Variants in FREM1 observed in about 807,000 individuals in gnomAD.
The protein encoded by FREM1 is FRAS1-related extracellular matrix protein 1.
Under a neutral mutation model 210.1 loss-of-function variants are expected in FREM1, and 220 were observed. That is an observed-to-expected ratio of 1.05 (90% CI 0.94 to 1.17). The LOEUF (loss-of-function observed/expected upper bound fraction) is 1.17, where lower values mean the gene tolerates loss of function less well. FREM1 is among the 50% of genes most tolerant of loss of function. FREM1 has a pLI of 0.00. For missense variants in FREM1, 3,454 were observed against 2,675.5 expected (o/e 1.29, Z -6.42); for synonymous variants, 1,189 against 980.2 (o/e 1.21, Z -3.98).
chr9:14,906,787 C>A (rs1817772828), intron 1 of FREM1, among the ~76,000 whole-genome samples: 1 of 152,150 alleles, frequency 6.6e-6, no homozygotes, highest in African/African-American at 2.4e-5. Context: ...TACTAAGCAG[C>A]TGATAATGTT....
At chr9:14,781,712 CT>C (rs113569249) in intron 24 of FREM1, among the ~76,000 whole-genome samples, 5 of 151,884 alleles carry the variant, frequency 3.3e-5, no homozygotes, top group African/African-American at 1.2e-4. Context: ...TCTATAAATT[CT>C]TTTTTTTGAG....
chr9:14,856,006 C>T (rs540864874), intron 5 of FREM1, among the ~76,000 whole-genome samples: 2 of 151,924 alleles, frequency 1.3e-5, no homozygotes, highest in Non-Finnish European at 2.9e-5. Context: ...TGTCACTTCT[C>T]GGGGCCACCA....
intron 21 of FREM1, among the ~76,000 whole-genome samples, chr9:14,796,358 C>G (rs1032903775): frequency 8.5e-5 from 13 of 152,162 alleles, no homozygotes; most frequent in African/African-American, 3.1e-4. Context: ...TGCTTTTTTA[C>G]TTATAGCTCT....
At chr9:14,867,104 C>A (rs549625032) in intron 2 of FREM1, among the ~76,000 whole-genome samples, 1 of 152,270 alleles carries the variant, frequency 6.6e-6, no homozygotes, top group South Asian at 2.1e-4. Context: ...AAGTGATCCA[C>A]CCGCCTCAGC....
chr9:14,807,730 A>G (rs1333487201), intron 17 of FREM1, among the ~76,000 whole-genome samples: 1 of 152,124 alleles, frequency 6.6e-6, no homozygotes, highest in African/African-American at 2.4e-5. Flanking sequence ...CCATACAGAA[A>G]TATTAAAATT....
chr9:14,814,967 CA>C (rs548937866), intron 15 of FREM1, among the ~76,000 whole-genome samples: 1 of 152,018 alleles, frequency 6.6e-6, no homozygotes, highest in Non-Finnish European at 1.5e-5. Context: ...GCTTTTCAGA[CA>C]AAAAAAGTAA....
intron 13 of FREM1, among the ~76,000 whole-genome samples, chr9:14,821,276 C>G (rs928723063): frequency 6.6e-6 from 1 of 152,022 alleles, no homozygotes; most frequent in African/African-American, 2.4e-5. Context: ...GCCCCATATA[C>G]TGTAAAAAGT....
intron 28 of FREM1, 53 bp from the exon 29 acceptor site, chr9:14,756,499 G>C (rs1480538219): frequency 3.2e-6 from 4 of 1,258,886 alleles, no homozygotes; most frequent in Non-Finnish European, 4.5e-6. Flanking sequence ...TTCTACAATA[G>C]AGAAACAGCT....
At chr9:14,800,616 G>A (rs1817092174) in intron 20 of FREM1, among the ~76,000 whole-genome samples, 1 of 151,840 alleles carries the variant, frequency 6.6e-6, no homozygotes, top group Non-Finnish European at 1.5e-5. Context: ...GATCTCAATA[G>A]TTTTAAAAAG....
intron 4 of FREM1, 132 bp downstream of exon 4, chr9:14,859,051 C>G: frequency 1.6e-6 from 1 of 637,706 alleles, no homozygotes; most frequent in Non-Finnish European, 2.5e-6. Flanking sequence ...TGCTCTTAAC[C>G]ACTAACTGAC....
intron 24 of FREM1, among the ~76,000 whole-genome samples, chr9:14,780,687 CT>C (rs1849520628): frequency 6.6e-6 from 1 of 152,108 alleles, no homozygotes; most frequent in African/African-American, 2.4e-5. Flanking sequence ...GCTGCCATAG[CT>C]TACATTAAAA....
intron 1 of FREM1, among the ~76,000 whole-genome samples, chr9:14,901,682 C>G (rs575440579): frequency 6.6e-6 from 1 of 152,184 alleles, no homozygotes; most frequent in African/African-American, 2.4e-5. Flanking sequence ...ATTTAATCAT[C>G]TGAACTAAAG....
chr9:14,790,051 A>G lies in FREM1; in HGVS notation c.3982-937T>C, dbSNP rs752162588. 5.9e-4 allele frequency among the ~76,000 whole-genome samples: 89 copies of G among 152,088 alleles called. 1 individual carries two copies. Among genetic ancestry groups the G allele is most frequent in the Admixed American group, 2.0e-3 (30 of 15,276 alleles). On this transcript the variant is annotated intron_variant, in intron 22 of 36. Coordinates refer to ENST00000380880, the MANE Select transcript of FREM1 (RefSeq NM_001379081.2). ...AGAGTCTAAAACAGAAATGTAAATC[A>G]TTTACTTTTTATTCCCCTTGATACT...
intron 9 of FREM1, 68 bp downstream of exon 9, chr9:14,842,248 G>A: frequency 1.0e-6 from 1 of 961,080 alleles, no homozygotes; most frequent in South Asian, 1.7e-5. Context: ...AAACCCAGAA[G>A]GATGCATAGA....
At chr9:14,908,087 G>A (rs1304378624) in intron 1 of FREM1, among the ~76,000 whole-genome samples, 1 of 152,064 alleles carries the variant, frequency 6.6e-6, no homozygotes, top group Non-Finnish European at 1.5e-5. Context: ...AGAAAGCAAG[G>A]GGCTCTGATG....
intron 1 of FREM1, among the ~76,000 whole-genome samples, chr9:14,905,159 T>C (rs1434351695): frequency 6.6e-6 from 1 of 152,220 alleles, no homozygotes; most frequent in Non-Finnish European, 1.5e-5. Context: ...ATGACTGTTC[T>C]GTTCACCCAA....
intron 35 of FREM1, among the ~76,000 whole-genome samples, chr9:14,743,017 G>C (rs1841843868): frequency 6.6e-6 from 1 of 152,058 alleles, no homozygotes; most frequent in Non-Finnish European, 1.5e-5. Flanking sequence ...CTGTAGATAA[G>C]AGAAGTGATG....
intron 16 of FREM1, among the ~76,000 whole-genome samples, chr9:14,812,097 G>C (rs1241647665): frequency 1.3e-5 from 2 of 152,082 alleles, no homozygotes; most frequent in Non-Finnish European, 2.9e-5. Context: ...ATGCAAATGG[G>C]TTTTGTCTAC....
chr9:14,737,839 A>C (rs1299458294), intron 36 of FREM1, among the ~76,000 whole-genome samples: 2 of 152,160 alleles, frequency 1.3e-5, no homozygotes, highest in Non-Finnish European at 2.9e-5. Context: ...TCTGAGTTTC[A>C]GTTTCCTCAT....
Sources: gnomAD v4.1 joint callset for allele counts (sites outside exome capture counted in the v4.1 genomes callset) on GRCh38, gnomAD v4.1.1 for gene constraint, MANE v1.5 for transcripts, NCBI Gene and HGNC (gene_info 2026-07-23, HGNC 2026-07-21) for gene names.